Variants in GPATCH2L observed in about 807,000 individuals in gnomAD.
The protein encoded by GPATCH2L is G-patch domain containing 2 like, also known as G patch domain-containing protein 2-like.
GPATCH2L carries 31 observed loss-of-function variants against 57.4 expected under a neutral mutation model. The ratio of observed to expected loss-of-function variants is 0.54; its 90% CI spans 0.41 to 0.73. The LOEUF (loss-of-function observed/expected upper bound fraction) is 0.73, where lower values mean the gene tolerates loss of function less well. Ranked by LOEUF, GPATCH2L falls within the 30% of genes least tolerant of loss-of-function variation. The pLI is 0.00. For synonymous variants in GPATCH2L, 199 were observed against 210.7 expected (o/e 0.94, Z 0.48); for missense variants, 481 against 599.9 (o/e 0.80, Z 2.07).
At chr14:76,219,818 G>A (rs2040506346) in intron 1 of GPATCH2L, among the ~76,000 whole-genome samples, 1 of 152,168 alleles carries the variant, frequency 6.6e-6, no homozygotes, top group Non-Finnish European at 1.5e-5. Flanking sequence ...GAGCTGGCAA[G>A]TGCTGATTTG....
At chr14:76,199,971 A>G (rs973194123) in intron 9 of GPATCH2L, among the ~76,000 whole-genome samples, 2 of 152,230 alleles carry the variant, frequency 1.3e-5, no homozygotes, top group Non-Finnish European at 2.9e-5. Context: ...TATACAATGG[A>G]ATATTATGTA....
At chr14:76,235,160 C>G (rs2040592486) in intron 2 of GPATCH2L, among the ~76,000 whole-genome samples, 1 of 131,180 alleles carries the variant, frequency 7.6e-6, no homozygotes, top group Non-Finnish European at 1.6e-5. Context: ...AAGAGCGAAA[C>G]TCTGTCTCAA....
downstream of GPATCH2L, among the ~76,000 whole-genome samples, chr14:76,214,929 C>A (rs1016086874): frequency 6.6e-6 from 1 of 151,748 alleles, no homozygotes; most frequent in African/African-American, 2.4e-5. Context: ...AGGTTTGTTA[C>A]CTGGGTATAT....
chr14:76,173,090 A>G (rs890287419), intron 4 of GPATCH2L, among the ~76,000 whole-genome samples: 2 of 152,230 alleles, frequency 1.3e-5, no homozygotes, highest in Non-Finnish European at 2.9e-5. Context: ...CCTTGTGTAG[A>G]ACACATGCAG....
At chr14:76,159,969 A>G (rs966944536) in intron 2 of GPATCH2L, among the ~76,000 whole-genome samples, 2 of 152,142 alleles carry the variant, frequency 1.3e-5, no homozygotes, top group Admixed American at 6.5e-5. Flanking sequence ...CGACTCTACT[A>G]AAAATACAAA....
chr14:76,190,553 G>C (rs1193794645), intron 8 of GPATCH2L, among the ~76,000 whole-genome samples: 1 of 152,088 alleles, frequency 6.6e-6, no homozygotes, highest in Non-Finnish European at 1.5e-5. Context: ...GCCCTGATCA[G>C]ATGAAACAGA....
chr14:76,173,570 T>G lies in GPATCH2L; in HGVS notation c.929T>G (p.Leu310Arg), dbSNP rs750789629. Reference sequence around the variant, plus strand: ...GGGTACCATACTCGCTTGAATCGTCTACCTGGAGCTGCAGCTCGATGCCTC... The same window carrying G: ...GGGTACCATACTCGCTTGAATCGTCGACCTGGAGCTGCAGCTCGATGCCTC... ...QRGYHTRLNR[L>R]PGAAARCLRK... The change falls in exon 5 of 10, where the codon CTA becomes CGA. Residue 310 changes from leucine (L) to arginine (R), a missense_variant. This residue lies in a region of GPATCH2L where 248 missense variants were observed against 270.5 expected (regional missense o/e 0.92). Transcript: ENST00000261530. 6 of 1,612,962 alleles carry G rather than the reference T, an allele frequency of 3.7e-6. No homozygotes were observed. In the South Asian group the frequency reaches 5.5e-5, roughly 15 times the overall value.
At position 76,210,192 on chromosome 14, in the gene GPATCH2L, A is replaced by C. The variant is rs1290792328; in HGVS notation, c.*8341A>C. The C allele has an allele frequency of 6.6e-6, 1 of 152,170 alleles. No individual in the cohort carries two copies. Among genetic ancestry groups the C allele is most frequent in the Non-Finnish European group, 1.5e-5 (1 of 68,038 alleles). 9.4% of individuals were successfully genotyped at this position (152,170 alleles called of 1,614,324 possible). ...ATGTATTTGGTGGTCTGCCATTTGG[A>C]AGCAACATCTCACTTATTCAACAAC... On this transcript the variant is annotated 3_prime_UTR_variant, in exon 10 of 10. Coordinates refer to ENST00000261530, the MANE Select transcript of GPATCH2L (RefSeq NM_017926.4).
intron 1 of GPATCH2L, among the ~76,000 whole-genome samples, chr14:76,222,754 C>T (rs1360192628): frequency 1.3e-5 from 2 of 152,006 alleles, no homozygotes; most frequent in African/African-American, 4.8e-5. Context: ...GTCAGGAGCT[C>T]AAGACCAGCC....
intron 1 of GPATCH2L, among the ~76,000 whole-genome samples, chr14:76,153,279 G>C (rs978737212): frequency 6.6e-6 from 1 of 152,260 alleles, no homozygotes; most frequent in African/African-American, 2.4e-5. Flanking sequence ...TTTGGGCATA[G>C]AGGCAAGAGA....
intron 1 of GPATCH2L, chr14:76,152,914 A>G (rs2038121057): frequency 3.7e-5 from 13 of 352,008 alleles, no homozygotes; most frequent in South Asian, 2.8e-4. Flanking sequence ...TGTCTCCCAA[A>G]CCTCAATCAT....
chr14:76,209,861 C>CAT lies in GPATCH2L; in HGVS notation c.*8013_*8014dup, dbSNP rs1405468405. On this transcript the variant is annotated 3_prime_UTR_variant, in exon 10 of 10. Coordinates refer to ENST00000261530, the MANE Select transcript of GPATCH2L (RefSeq NM_017926.4). Reference sequence around the variant, plus strand: ...GGGGTAGGTGGATCTGATTAGTAGTCATATGCCTGTGTCCTGGCTAGGAAG... The same window carrying CAT: ...GGGGTAGGTGGATCTGATTAGTAGTCATATATGCCTGTGTCCTGGCTAGGAAG... 6.6e-6 allele frequency: 1 copy of CAT among 152,164 alleles called. No homozygotes were observed. Among genetic ancestry groups the CAT allele is most frequent in the Non-Finnish European group, 1.5e-5 (1 of 68,040 alleles). The allele number at this position is 152,164 out of a possible 1,614,324, so 9.4% of individuals were successfully genotyped here. A position where few individuals can be genotyped will look rare whatever the true frequency, so the allele number is the denominator to read the frequency against.
intron 9 of GPATCH2L, 113 bp downstream of exon 9, chr14:76,196,085 C>T (rs1213006066): frequency 1.2e-6 from 1 of 847,320 alleles, no homozygotes; most frequent in Non-Finnish European, 2.0e-6. Context: ...CATTTTATTC[C>T]CACTTTACAT....
At chr14:76,230,012 A>T (rs2040553587) in intron 2 of GPATCH2L, 1 of 152,178 alleles carries the variant, frequency 6.6e-6, no homozygotes, top group Non-Finnish European at 1.5e-5. Flanking sequence ...TAGCAATATC[A>T]TTCTCAATAT....
At chr14:76,219,991 G>A (rs2139861439) in intron 1 of GPATCH2L, among the ~76,000 whole-genome samples, 1 of 152,312 alleles carries the variant, frequency 6.6e-6, no homozygotes, top group East Asian at 1.9e-4. Flanking sequence ...ATTCGTTTCT[G>A]TTATCAGGCA....
At position 76,213,155 on chromosome 14, in the gene GPATCH2L, ATATG is replaced by A. The variant is rs1227598855; in HGVS notation, c.*11307_*11310del. 2 of 152,220 alleles carry A rather than the reference ATATG, an allele frequency of 1.3e-5. No homozygotes were observed. Among genetic ancestry groups the A allele is most frequent in the African/African-American group, 4.8e-5 (2 of 41,472 alleles). 9.4% of individuals were successfully genotyped at this position (152,220 alleles called of 1,614,324 possible). Reference sequence around the variant, plus strand: ...TGAGGAAACAAAGCTAATTTTTAAAATATGTAGTAAAATATGTAACATTTTAGCT... The same window carrying A: ...TGAGGAAACAAAGCTAATTTTTAAAATAGTAAAATATGTAACATTTTAGCT... On this transcript the variant is annotated 3_prime_UTR_variant, in exon 10 of 10. Coordinates refer to ENST00000261530, the MANE Select transcript of GPATCH2L (RefSeq NM_017926.4).
At position 76,195,931 on chromosome 14, in the gene GPATCH2L, G is replaced by A. The variant is rs769541023; in HGVS notation, c.1247G>A (p.Arg416Gln). The change falls in exon 9 of 10, where the codon CGG (arginine) becomes CAG (glutamine). Residue 416 changes from arginine (R) to glutamine (Q), a missense_variant. Transcript: ENST00000261530. ...TGTTCACGTGACATCAAGAGGAAGCGGAAACCAGTGGCCACAGCATCTTTG... is the reference window on the plus strand; with the variant it reads ...TGTTCACGTGACATCAAGAGGAAGCAGAAACCAGTGGCCACAGCATCTTTG... ...PPCSRDIKRK[R>Q]KPVATASLSS... 6 of 1,613,742 alleles carry A rather than the reference G, an allele frequency of 3.7e-6. No individual in the cohort carries two copies. Among genetic ancestry groups the A allele is most frequent in the Middle Eastern group, 1.7e-4 (1 of 6,056 alleles).
At chr14:76,220,449 A>C (rs1470166413) in intron 1 of GPATCH2L, among the ~76,000 whole-genome samples, 1 of 152,222 alleles carries the variant, frequency 6.6e-6, no homozygotes, top group Non-Finnish European at 1.5e-5. Context: ...AATCTACCAG[A>C]AAGATAGAGT....
rs187319166 is a variant in GPATCH2L at position 76,164,047 on chromosome 14, C to T, written c.663-2616C>T. 2.1e-3 allele frequency among the ~76,000 whole-genome samples: 318 copies of T among 152,170 alleles called. 1 individual carries two copies. Among genetic ancestry groups the T allele is most frequent in the African/African-American group, 7.4e-3 (308 of 41,526 alleles). ...AGTTCTACCAGTTTGTCTGAAGGTC[C>T]GGCTGCCTTCTGATTGTTTCTGGAT... On this transcript the variant is annotated intron_variant, in intron 2 of 9. Transcript: ENST00000261530.
Sources: gnomAD v4.1 joint callset for allele counts (sites outside exome capture counted in the v4.1 genomes callset) on GRCh38, gnomAD v4.1.1 for gene constraint, gnomAD v4.1.1 regional missense constraint, MANE v1.5 for transcripts, NCBI Gene and HGNC (gene_info 2026-07-23, HGNC 2026-07-21) for gene names.